Variants in RPS6KC1 observed in about 807,000 individuals in gnomAD.
RPS6KC1 encodes the protein ribosomal protein S6 kinase C1.
In RPS6KC1, 54 loss-of-function variants were observed where a neutral mutation model predicts 103.8. The ratio of observed to expected loss-of-function variants is 0.52; its 90% CI spans 0.42 to 0.65. RPS6KC1 has a LOEUF of 0.65. Ranked by LOEUF, RPS6KC1 falls within the 30% of genes least tolerant of loss-of-function variation. The pLI is 0.00. For missense variants in RPS6KC1, 1,151 were observed against 1,253.8 expected (o/e 0.92, Z 1.24); for synonymous variants, 439 against 438.7 (o/e 1.00, Z -0.01).
the RPS6KC1 span, among the ~76,000 whole-genome samples, chr1:213,721,628 C>T: frequency 6.6e-6 from 1 of 152,272 alleles, no homozygotes; most frequent in South Asian, 2.1e-4. Flanking sequence ...TATACCATGT[C>T]ATCACTCACA....
the RPS6KC1 span, among the ~76,000 whole-genome samples, chr1:213,561,944 T>C: frequency 1.3e-5 from 2 of 152,194 alleles, no homozygotes; most frequent in African/African-American, 4.8e-5. Context: ...ACAAGCCCAG[T>C]AGGGTCAAGG....
chr1:213,195,850 A>G (rs199835435), intron 8 of RPS6KC1, among the ~76,000 whole-genome samples: 245 of 148,440 alleles, frequency 1.7e-3, no homozygotes, highest in East Asian at 4.7e-3. Context: ...GTGTGTGTAT[A>G]TATATACCAT....
At chr1:213,130,499 CT>C (rs1439189174) in intron 6 of RPS6KC1, among the ~76,000 whole-genome samples, 5 of 152,216 alleles carry the variant, frequency 3.3e-5, no homozygotes, top group African/African-American at 9.6e-5. Flanking sequence ...AGTTGCATGA[CT>C]TTTTGGATGC....
the RPS6KC1 span, among the ~76,000 whole-genome samples, chr1:213,761,707 C>T: frequency 6.6e-6 from 1 of 152,192 alleles, no homozygotes; most frequent in Non-Finnish European, 1.5e-5. Context: ...AGCCAGGTTC[C>T]TGGGTTCTTC....
chr1:213,077,127 C>G (rs891794181), intron 2 of RPS6KC1, among the ~76,000 whole-genome samples: 2 of 152,242 alleles, frequency 1.3e-5, no homozygotes, highest in Non-Finnish European at 2.9e-5. Flanking sequence ...GCCTTGGCCT[C>G]CCAGAGTGCT....
chr1:213,080,651 A>C (rs902631888), intron 3 of RPS6KC1, among the ~76,000 whole-genome samples: 1 of 152,110 alleles, frequency 6.6e-6, no homozygotes, highest in South Asian at 2.1e-4. Flanking sequence ...CACAGCCTCC[A>C]TCTCCTGGGC....
intron 14 of RPS6KC1, among the ~76,000 whole-genome samples, chr1:213,264,746 T>C (rs945265681): frequency 3.3e-5 from 5 of 152,168 alleles, no homozygotes; most frequent in Admixed American, 3.3e-4. Flanking sequence ...CCTTTTCCAC[T>C]ACCTCACAGG....
chr1:213,208,483 A>AT (rs1035374887), intron 8 of RPS6KC1, among the ~76,000 whole-genome samples: 8 of 151,874 alleles, frequency 5.3e-5, no homozygotes, highest in Non-Finnish European at 1.0e-4. Flanking sequence ...AATCTTTCTC[A>AT]TTTTTTGAGC....
chr1:213,129,513 G>C lies in RPS6KC1; in HGVS notation c.473-14G>C, dbSNP rs1181401232. The stretch of plus-strand genomic sequence containing the variant: ...CAATTTAATATCTGTTTACTATTGT[G>C]ATCATATTTCTAGGCTTCTCCAGTG... On this transcript the variant is annotated splice_polypyrimidine_tract_variant and intron_variant, in intron 5 of 14. Transcript: ENST00000366960. 1 of 1,582,902 alleles carries C rather than the reference G, an allele frequency of 6.3e-7. No individual in the cohort carries two copies. The highest frequency in any genetic ancestry group is 2.2e-5 in the East Asian group (1 of 44,714).
chr1:213,475,640 G>GA, the RPS6KC1 span, among the ~76,000 whole-genome samples: 1 of 152,086 alleles, frequency 6.6e-6, no homozygotes, highest in African/African-American at 2.4e-5. Context: ...CTCTTCGGGG[G>GA]CCCCCAATGT....
At chr1:213,164,541 G>A (rs2090779157) in intron 6 of RPS6KC1, among the ~76,000 whole-genome samples, 1 of 152,124 alleles carries the variant, frequency 6.6e-6, no homozygotes, top group Admixed American at 6.6e-5. Context: ...TAAATAATGG[G>A]AACAATTTTT....
chr1:213,384,600 C>T, the RPS6KC1 span, among the ~76,000 whole-genome samples: 11 of 152,072 alleles, frequency 7.2e-5, no homozygotes, highest in Admixed American at 3.9e-4. Context: ...GGTGATTTAT[C>T]GAAGGCCGAC....
chr1:213,242,714 T>C, intron 12 of RPS6KC1, 56 bp downstream of exon 12: 1 of 1,247,136 alleles, frequency 8.0e-7, no homozygotes, highest in Non-Finnish European at 1.2e-6. Context: ...CAGCTCTCAT[T>C]TCTTTATAGA....
chr1:213,782,288 C>T, the RPS6KC1 span, among the ~76,000 whole-genome samples: 1 of 152,110 alleles, frequency 6.6e-6, no homozygotes. Context: ...AGAATTTGTT[C>T]ACATTCCCAT....
chr1:213,777,364 A>G, the RPS6KC1 span, among the ~76,000 whole-genome samples: 1 of 152,092 alleles, frequency 6.6e-6, no homozygotes, highest in Non-Finnish European at 1.5e-5. Flanking sequence ...CATTGGCCTA[A>G]TTTCAATATT....
chr1:213,659,820 G>A, the RPS6KC1 span, among the ~76,000 whole-genome samples: 1 of 151,834 alleles, frequency 6.6e-6, no homozygotes, highest in East Asian at 1.9e-4. Flanking sequence ...GATCAATCAG[G>A]TTTTAAAAAA....
chr1:213,632,431 C>T, the RPS6KC1 span, among the ~76,000 whole-genome samples: 2 of 152,150 alleles, frequency 1.3e-5, no homozygotes, highest in African/African-American at 2.4e-5. Context: ...CAGCAAACTC[C>T]AACAGACCTG....
At chr1:213,848,162 G>T in the RPS6KC1 span, among the ~76,000 whole-genome samples, 1 of 152,104 alleles carries the variant, frequency 6.6e-6, no homozygotes, top group African/African-American at 2.4e-5. Flanking sequence ...TTTATATAAT[G>T]TTAACTACAT....
intron 5 of RPS6KC1, among the ~76,000 whole-genome samples, chr1:213,120,764 C>T (rs1273127374): frequency 5.3e-5 from 8 of 152,078 alleles, no homozygotes; most frequent in African/African-American, 1.9e-4. Context: ...GGGGGTAAAT[C>T]TTAATATATA....
Sources: gnomAD v4.1 joint callset for allele counts (sites outside exome capture counted in the v4.1 genomes callset) on GRCh38, gnomAD v4.1.1 for gene constraint, MANE v1.5 for transcripts, NCBI Gene and HGNC (gene_info 2026-07-23, HGNC 2026-07-21) for gene names.